The following PAM variants were observed in gnomAD, a reference collection of about 807,000 sequenced individuals.
The protein encoded by PAM is peptidyl-glycine alpha-amidating monooxygenase.
In PAM, 72 loss-of-function variants were observed where a neutral mutation model predicts 122.1. The observed-to-expected ratio is 0.59, with a 90% confidence interval of 0.49 to 0.72. The LOEUF (loss-of-function observed/expected upper bound fraction) is 0.72. Ranked by LOEUF, PAM falls within the 30% of genes least tolerant of loss-of-function variation. PAM has a pLI of 0.00. For missense variants in PAM, 1,106 were observed against 1,183.7 expected (o/e 0.93, Z 0.96); for synonymous variants, 389 against 404.4 (o/e 0.96, Z 0.46).
intron 1 of PAM, among the ~76,000 whole-genome samples, chr5:102,760,135 A>G (rs182617341): frequency 6.6e-6 from 1 of 152,328 alleles, no homozygotes; most frequent in East Asian, 1.9e-4. Context: ...TAGTTTTGGA[A>G]GATAGAGGTA....
At chr5:102,768,024 A>G (rs1382226298) in intron 1 of PAM, among the ~76,000 whole-genome samples, 1 of 152,114 alleles carries the variant, frequency 6.6e-6, no homozygotes, top group Non-Finnish European at 1.5e-5. Context: ...TCATCGATGT[A>G]ATGCACTTAG....
intron 1 of PAM, among the ~76,000 whole-genome samples, chr5:102,823,977 A>G (rs377369944): frequency 2.6e-5 from 4 of 152,176 alleles, no homozygotes; most frequent in African/African-American, 9.6e-5. Context: ...TTTTCTTTGT[A>G]TGTTTATTAA....
At chr5:102,759,826 C>T (rs777632518) in intron 1 of PAM, among the ~76,000 whole-genome samples, 45 of 152,242 alleles carry the variant, frequency 3.0e-4, no homozygotes, top group Admixed American at 3.3e-4. Context: ...AAGACTGAAA[C>T]AAGATGAGAT....
intron 3 of PAM, among the ~76,000 whole-genome samples, chr5:102,893,232 A>G (rs1033591753): frequency 1.3e-5 from 2 of 151,748 alleles, no homozygotes; most frequent in African/African-American, 4.8e-5. Flanking sequence ...CTGTTTCCTT[A>G]ATTGGTGTCA....
In PAM at chr5:103,006,883, A is replaced by G; in HGVS notation, c.1886A>G (p.His629Arg). The G allele has an allele frequency of 6.2e-7, 1 of 1,613,890 alleles. No individual in the cohort carries two copies. The highest frequency in any genetic ancestry group is 8.5e-7 in the Non-Finnish European group (1 of 1,179,798). The part of the protein sequence containing the change: ...RSMQPGSDQN[H>R]FCQPTDVAVD... ...ATGCAACCAGGCAGTGACCAGAATC[A>G]CTTCTGTCAACCCACTGATGTGGCT... Residue 629 changes from histidine (H) to arginine (R), a missense_variant, in exon 19 of 26, where the codon CAC becomes CGC. By Grantham distance (29) the His-to-Arg change is conservative. Around this residue, in one of 3 missense-constraint regions of PAM, gnomAD observed 103 missense variants for 157.9 expected, o/e 0.65. Coordinates refer to ENST00000438793, the MANE Select transcript of PAM (RefSeq NM_001177306.2).
At chr5:102,839,588 A>G (rs1214396899) in intron 1 of PAM, among the ~76,000 whole-genome samples, 1 of 151,822 alleles carries the variant, frequency 6.6e-6, no homozygotes, top group Non-Finnish European at 1.5e-5. Flanking sequence ...TAAGGTGTGT[A>G]GAGCATCCTT....
chr5:102,815,619 A>G (rs1769522036), intron 1 of PAM, among the ~76,000 whole-genome samples: 1 of 152,172 alleles, frequency 6.6e-6, no homozygotes, highest in Admixed American at 6.6e-5. Context: ...GTCCCTATTC[A>G]GAAAAAACTT....
chr5:102,928,571 T>C (rs1750407283), intron 7 of PAM, among the ~76,000 whole-genome samples: 1 of 152,146 alleles, frequency 6.6e-6, no homozygotes, highest in South Asian at 2.1e-4. Flanking sequence ...ATTTCACTCA[T>C]GTAATTCATT....
chr5:102,922,929 G>C (rs1747953249), intron 5 of PAM, among the ~76,000 whole-genome samples: 1 of 152,138 alleles, frequency 6.6e-6, no homozygotes, highest in Admixed American at 6.5e-5. Flanking sequence ...GAGCCTTTTA[G>C]CACACTTGGC....
chr5:102,882,605 G>T (rs186579179), intron 3 of PAM, among the ~76,000 whole-genome samples: 1 of 152,028 alleles, frequency 6.6e-6, no homozygotes, highest in Non-Finnish European at 1.5e-5. Context: ...GTTCCTTGTA[G>T]ATTCTGGAAA....
chr5:102,999,721 C>T (rs1776802074), intron 16 of PAM, among the ~76,000 whole-genome samples: 1 of 152,232 alleles, frequency 6.6e-6, no homozygotes, highest in Non-Finnish European at 1.5e-5. Context: ...GCTGCCAAGG[C>T]TTGGGGCTTG....
intron 3 of PAM, among the ~76,000 whole-genome samples, chr5:102,900,981 A>G (rs967374203): frequency 1.3e-5 from 2 of 151,702 alleles, no homozygotes; most frequent in Admixed American, 1.3e-4. Flanking sequence ...GAAATTAAAT[A>G]TTTAATTTTG....
chr5:102,879,166 G>A lies in PAM; in HGVS notation c.210+11773G>A, dbSNP rs186040529. Among the ~76,000 whole-genome samples, 964 of 152,096 alleles carry A rather than the reference G, an allele frequency of 6.3e-3. 12 individuals are homozygous for A. The highest frequency in any genetic ancestry group is 6.9e-3 in the Non-Finnish European group (469 of 67,964). On this transcript the variant is annotated intron_variant, in intron 3 of 25. Coordinates refer to ENST00000438793, the MANE Select transcript of PAM (RefSeq NM_001177306.2). ...AGGATGGTCTCGATCTCCTGACCTC[G>A]TGATCTGCCCGCTTCGGCCTCCCAG... is the stretch of plus-strand genomic sequence containing the variant.
rs891917517 is a variant in PAM at position 102,909,552 on chromosome 5, C to T, written c.269-4382C>T. 2.4e-4 allele frequency among the ~76,000 whole-genome samples: 37 copies of T among 151,612 alleles called. No individual in the cohort carries two copies. The Admixed American group carries it at 2.4e-3, about 10-fold the overall frequency. On this transcript the variant is annotated intron_variant, in intron 4 of 25. Transcript: ENST00000438793. Reference sequence around the variant, plus strand: ...ACTATAGTCAGAATTACTGGTAATTCGCCCGTGAAACCTTTAAAAGATATA... The same window carrying T: ...ACTATAGTCAGAATTACTGGTAATTTGCCCGTGAAACCTTTAAAAGATATA...
chr5:102,844,269 A>G (rs1443165114), intron 1 of PAM, among the ~76,000 whole-genome samples: 2 of 152,196 alleles, frequency 1.3e-5, no homozygotes, highest in Non-Finnish European at 2.9e-5. Context: ...GAGATGGAGA[A>G]CAGATTTCCT....
chr5:102,951,832 T>C (rs560998045), intron 12 of PAM, among the ~76,000 whole-genome samples: 1 of 152,228 alleles, frequency 6.6e-6, no homozygotes, highest in South Asian at 2.1e-4. Context: ...TCCAACAGCT[T>C]TGCTTTTGGA....
At chr5:102,949,480 A>G (rs753131035) in intron 9 of PAM, 57 bp from the exon 10 acceptor site, 1 of 879,582 alleles carries the variant, frequency 1.1e-6, no homozygotes, top group African/African-American at 1.6e-5. Context: ...TTTAGATAAG[A>G]ATAATGTCAT....
intron 3 of PAM, among the ~76,000 whole-genome samples, chr5:102,891,283 G>T (rs1474414832): frequency 6.6e-6 from 1 of 151,834 alleles, no homozygotes; most frequent in Non-Finnish European, 1.5e-5. Flanking sequence ...CAAAAAAGGA[G>T]TTTTGTTGTA....
chr5:102,758,252 T>G (rs901078202), intron 1 of PAM, among the ~76,000 whole-genome samples: 1 of 152,044 alleles, frequency 6.6e-6, no homozygotes, highest in Non-Finnish European at 1.5e-5. Flanking sequence ...ATCTGCTATG[T>G]GCAGAATTTA....
Sources: gnomAD v4.1 joint callset for allele counts (sites outside exome capture counted in the v4.1 genomes callset) on GRCh38, gnomAD v4.1.1 for gene constraint, gnomAD v4.1.1 regional missense constraint, MANE v1.5 for transcripts, NCBI Gene and HGNC (gene_info 2026-07-23, HGNC 2026-07-21) for gene names.